Variants in METTL22 observed in about 807,000 individuals in gnomAD.
METTL22 encodes methyltransferase 22, Kin17 lysine.
METTL22 carries 51 observed loss-of-function variants against 48.4 expected under a neutral mutation model. That is an observed-to-expected ratio of 1.05 (90% CI 0.84 to 1.33). The LOEUF is 1.33. METTL22 is among the 40% of genes most tolerant of loss of function. METTL22 has a pLI of 0.00. For synonymous variants in METTL22, 255 were observed against 214.1 expected, an observed-to-expected ratio of 1.19 and a Z score of -1.67; for missense variants, 678 against 526.9, an observed-to-expected ratio of 1.29 and a Z score of -2.81.
chr16:8,631,502 T>A (rs1005697149), intron 3 of METTL22: 1 of 152,204 alleles, frequency 6.6e-6, no homozygotes, highest in African/African-American at 2.4e-5. Context: ...CTCCTCCAGT[T>A]GTAAGGAATT....
rs750419403 is a variant in METTL22 at position 8,625,812 on chromosome 16, C to G, written c.133+14C>G. On this transcript the variant is annotated intron_variant, in intron 2 of 10. Coordinates refer to ENST00000381920, the MANE Select transcript of METTL22 (RefSeq NM_024109.4). ...TGGGGCAGCCAGGTAAGGTCCTGGG[C>G]CCAGGTGCCCTGCGGATCCTATTTT... is the stretch of plus-strand genomic sequence containing the variant. The G allele has an allele frequency of 1.2e-6, 2 of 1,612,978 alleles. No homozygotes were observed. The highest frequency in any genetic ancestry group is 1.7e-5 in the Admixed American group (1 of 59,818).
At chr16:8,652,851 G>A (rs1340443009), downstream of METTL22, among the ~76,000 whole-genome samples, 1 of 152,166 alleles carries the variant, frequency 6.6e-6, no homozygotes, top group African/African-American at 2.4e-5. Flanking sequence ...GTCGGCTGCA[G>A]CAGCCATGTG....
At chr16:8,630,137 A>G (rs533093433) in intron 3 of METTL22, among the ~76,000 whole-genome samples, 1 of 152,196 alleles carries the variant, frequency 6.6e-6, no homozygotes, top group East Asian at 1.9e-4. Flanking sequence ...TTGGTCAGAG[A>G]ATGGGGGTCA....
At position 8,646,458 on chromosome 16, in the gene METTL22, T is replaced by C. The variant is rs2056802800; in HGVS notation, c.*315T>C. The C allele has an allele frequency of 3.3e-6, 2 of 610,892 alleles. No homozygotes were observed. The highest frequency in any genetic ancestry group is 3.1e-6 in the Non-Finnish European group (1 of 327,000). The allele number at this position is 610,892 out of a possible 1,614,324, so 37.8% of individuals were successfully genotyped here. A position where few individuals can be genotyped will look rare whatever the true frequency, so the allele number is the denominator to read the frequency against. ...CACGTCAGTCATTTCAGCTGTGTGC[T>C]TTACTTGCGGTTGCGGCCCTGGCTG... On this transcript the variant is annotated 3_prime_UTR_variant, in exon 11 of 11. Transcript: ENST00000381920.
intron 7 of METTL22, chr16:8,641,667 G>A (rs756120884): frequency 2.6e-6 from 1 of 380,114 alleles, no homozygotes; most frequent in Non-Finnish European, 5.0e-6. Flanking sequence ...CTGTCAGATG[G>A]CAGATGGGAA....
rs1260876335 is a variant in METTL22, at chr16:8,621,729, C to G, written c.-217C>G. 6.6e-6 allele frequency: 1 copy of G among 152,464 alleles called. No homozygotes were observed. Among genetic ancestry groups the G allele is most frequent in the South Asian group, 2.1e-4 (1 of 4,836 alleles). The allele number at this position is 152,464 out of a possible 1,614,324, so 9.4% of individuals were successfully genotyped here. ...CCTGTTATGGCGGCCGCCTAAGTCC[C>G]ACAGAGACGGGAGTCGGGTGGGATC... is the stretch of plus-strand genomic sequence containing the variant. On this transcript the variant is annotated 5_prime_UTR_variant, in exon 1 of 11. Transcript: ENST00000381920.
At position 8,646,166 on chromosome 16, in the gene METTL22, G is replaced by T. The variant is rs535563216; in HGVS notation, c.*23G>T. On this transcript the variant is annotated 3_prime_UTR_variant, in exon 11 of 11. Coordinates refer to ENST00000381920, the MANE Select transcript of METTL22 (RefSeq NM_024109.4). ...TGACCCATCGCCTCCACAAGGCGCG[G>T]CGTCTCGACTGTTCTTAGAGTGTAT... 21 of 1,613,962 alleles carry T rather than the reference G, an allele frequency of 1.3e-5. No individual in the cohort carries two copies. Among genetic ancestry groups the T allele is most frequent in the Non-Finnish European group, 1.8e-5 (21 of 1,179,836 alleles).
chr16:8,635,779 T>C (rs1291023155), intron 5 of METTL22, among the ~76,000 whole-genome samples: 3 of 152,222 alleles, frequency 2.0e-5, no homozygotes, highest in East Asian at 1.9e-4. Context: ...ATGCAACTTA[T>C]GGGTCACCTC....
At chr16:8,622,692 C>T (rs181803760) in intron 1 of METTL22, among the ~76,000 whole-genome samples, 1 of 152,076 alleles carries the variant, frequency 6.6e-6, no homozygotes, top group Non-Finnish European at 1.5e-5. Flanking sequence ...TACTATATGT[C>T]GTAAGCCCGA....
chr16:8,643,623 G>C lies in METTL22; in HGVS notation c.1011-934G>C, dbSNP rs2141808139. ...TTCATTAGACAGTTTTGTTTTTTTT[G>C]TTTTTTTGAGGCAGAGTCTTGCCCT... is the stretch of plus-strand genomic sequence containing the variant. On this transcript the variant is annotated intron_variant, in intron 9 of 10. Transcript: ENST00000381920. 1.3e-5 allele frequency among the ~76,000 whole-genome samples: 2 copies of C among 151,814 alleles called. 1 individual carries two copies. The highest frequency in any genetic ancestry group is 6.8e-3 in the Middle Eastern group (2 of 294).
the METTL22 span, among the ~76,000 whole-genome samples, chr16:8,660,431 G>T: frequency 1.6e-4 from 25 of 151,998 alleles, no homozygotes; most frequent in East Asian, 4.8e-3. Flanking sequence ...CGCCTGCTTC[G>T]GCCTCCCAAA....
At chr16:8,630,814 C>T (rs8059059) in intron 3 of METTL22, among the ~76,000 whole-genome samples, 150,409 of 152,308 alleles carry the variant, frequency 0.99, 74,301 homozygotes, top group Middle Eastern at 1. Context: ...TCACTACCTG[C>T]CCTGACGGAG....
intron 7 of METTL22, chr16:8,641,577 G>A (rs550123878): frequency 1.0e-4 from 48 of 470,790 alleles, no homozygotes; most frequent in Non-Finnish European, 1.7e-4. Context: ...GGGTAGGACA[G>A]TTTCCATATT....
chr16:8,651,120 G>T (rs2056888928), downstream of METTL22, among the ~76,000 whole-genome samples: 1 of 152,038 alleles, frequency 6.6e-6, no homozygotes, highest in South Asian at 2.1e-4. Flanking sequence ...AGGCGCAGTG[G>T]CTCATACCTG....
intron 1 of METTL22, among the ~76,000 whole-genome samples, chr16:8,623,067 A>G (rs555111210): frequency 6.6e-5 from 10 of 152,138 alleles, no homozygotes; most frequent in Non-Finnish European, 1.2e-4. Flanking sequence ...TAATCCCAGC[A>G]CTTTGGGAGG....
chr16:8,640,094 G>A (rs1019871107), intron 6 of METTL22, among the ~76,000 whole-genome samples: 7 of 152,210 alleles, frequency 4.6e-5, no homozygotes, highest in African/African-American at 4.8e-5. Context: ...CCATCTGCTC[G>A]TGTGACTAGT....
Position 8,646,292 on chromosome 16 carries a change from G to A in METTL22, c.*149G>A. ...TTAGATGACCCAAGATGGTTTTCTG[G>A]GGTCTGTCCCTGCCTCCCAGTTGTA... On this transcript the variant is annotated 3_prime_UTR_variant, in exon 11 of 11. Transcript: ENST00000381920. 1 of 1,022,440 alleles carries A rather than the reference G, an allele frequency of 9.8e-7. No individual in the cohort carries two copies. The highest frequency in any genetic ancestry group is 1.5e-6 in the Non-Finnish European group (1 of 671,950). The allele number at this position is 1,022,440 out of a possible 1,614,324, so 63.3% of individuals were successfully genotyped here.
chr16:8,634,398 T>C (rs1197767854), intron 3 of METTL22, among the ~76,000 whole-genome samples: 1 of 152,196 alleles, frequency 6.6e-6, no homozygotes, highest in Non-Finnish European at 1.5e-5. Flanking sequence ...GCTTCATTCC[T>C]TTTCTCCTTG....
In METTL22 at chr16:8,648,554, G is replaced by A. The variant is rs1445223552; in HGVS notation, c.*2411G>A. ...AGGCAGGAGAATCACTTGAACCCAG[G>A]AGGCAGAGGTTGCAGTGAGCCAAGA... On this transcript the variant is annotated 3_prime_UTR_variant, in exon 11 of 11. Transcript: ENST00000381920. The A allele has an allele frequency of 2.6e-5, 4 of 152,102 alleles. No individual in the cohort carries two copies. The highest frequency in any genetic ancestry group is 5.9e-5 in the Non-Finnish European group (4 of 68,088). 9.4% of individuals were successfully genotyped at this position (152,102 alleles called of 1,614,324 possible).
Sources: allele counts gnomAD v4.1 joint callset (sites outside exome capture counted in the v4.1 genomes callset), GRCh38; gene constraint gnomAD v4.1.1; transcripts MANE v1.5; gene names NCBI Gene and HGNC (gene_info 2026-07-23, HGNC 2026-07-21).